TPO: variants seen among roughly 807,000 people sequenced by gnomAD.
TPO encodes the protein thyroid microsomal antigen.
TPO carries 78 observed loss-of-function variants against 96.9 expected under a neutral mutation model. The observed-to-expected ratio is 0.81, with a 90% CI of 0.67 to 0.97. The LOEUF (loss-of-function observed/expected upper bound fraction) is 0.97. Among genes scored for constraint, TPO ranks in the 50% least tolerant of loss-of-function variants. The probability of loss-of-function intolerance (pLI) is 0.00; values close to 1 mark genes in which losing one functional copy is unlikely to be tolerated. For synonymous variants in TPO, 547 were observed against 538.0 expected (o/e 1.02, Z -0.23); for missense variants, 1,252 against 1,274.8 (o/e 0.98, Z 0.27).
intron 7 of TPO, among the ~76,000 whole-genome samples, chr2:1,461,954 C>G (rs747734520): frequency 6.6e-6 from 1 of 152,176 alleles, no homozygotes; most frequent in Non-Finnish European, 1.5e-5. Flanking sequence ...TCGGGGCTCC[C>G]TACTGGATCT....
intron 14 of TPO, among the ~76,000 whole-genome samples, chr2:1,515,256 A>G (rs2125067751): frequency 6.6e-6 from 1 of 152,320 alleles, no homozygotes; most frequent in East Asian, 1.9e-4. Context: ...AGCAGATGGA[A>G]ACAAGAACCC....
intron 1 of TPO, among the ~76,000 whole-genome samples, chr2:1,375,211 C>T (rs527237130): frequency 1.9e-4 from 28 of 150,674 alleles, no homozygotes; most frequent in African/African-American, 6.4e-4. Context: ...GTTAGGCAGA[C>T]GATAGGAGAG....
At chr2:1,527,300 A>C (rs1274498153) in intron 15 of TPO, among the ~76,000 whole-genome samples, 21 of 95,458 alleles carry the variant, frequency 2.2e-4, no homozygotes, top group African/African-American at 9.3e-4. Context: ...CTCACTGTGT[A>C]ACCTCCCCAA....
chr2:1,396,663 C>T (rs12329329), intron 1 of TPO, among the ~76,000 whole-genome samples: 9,127 of 152,138 alleles, frequency 0.06, 695 homozygotes, highest in East Asian at 0.31. Flanking sequence ...CACGGGGAGA[C>T]AGTCTCATCC....
chr2:1,385,205 A>G (rs1309306405), intron 1 of TPO, among the ~76,000 whole-genome samples: 2 of 152,204 alleles, frequency 1.3e-5, no homozygotes, highest in African/African-American at 2.4e-5. Flanking sequence ...CTTTGGTATC[A>G]GGATGATGCT....
chr2:1,382,848 G>T (rs1173582667), intron 1 of TPO, among the ~76,000 whole-genome samples: 1 of 151,486 alleles, frequency 6.6e-6, no homozygotes, highest in Admixed American at 6.6e-5. Flanking sequence ...TTTACATTAG[G>T]TATATCTCCT....
At position 1,478,393 on chromosome 2, in the gene TPO, G is replaced by T. The variant is rs116235514; in HGVS notation, c.1338+789G>T. 2,259 of 985,122 alleles carry T rather than the reference G, an allele frequency of 2.3e-3. 50 individuals are homozygous for T. The African/African-American group carries it at 0.034, about 15-fold the overall frequency. 61.0% of individuals were successfully genotyped at this position (985,122 alleles called of 1,614,324 possible). A position where few individuals can be genotyped will look rare whatever the true frequency, so the allele number is the denominator to read the frequency against. ...GGCATCGTGTCTGCAGTCCTAGCCG[G>T]GAGCCTGCAGGGAGGTGCGCGTCAG... On this transcript the variant is annotated intron_variant, in intron 8 of 16. Transcript: ENST00000329066.
chr2:1,482,195 C>T (rs1426819544), intron 8 of TPO, among the ~76,000 whole-genome samples: 1 of 152,222 alleles, frequency 6.6e-6, no homozygotes, highest in African/African-American at 2.4e-5. Flanking sequence ...CCGTCGGTGA[C>T]AAGGATCGCA....
intron 5 of TPO, among the ~76,000 whole-genome samples, chr2:1,447,669 T>C (rs1666943441): frequency 1.3e-5 from 2 of 152,136 alleles, no homozygotes; most frequent in Admixed American, 1.3e-4. Flanking sequence ...TAGATTTGTA[T>C]GTGTGTGTGT....
intron 7 of TPO, among the ~76,000 whole-genome samples, chr2:1,463,898 G>A (rs1367063689): frequency 6.6e-6 from 1 of 152,186 alleles, no homozygotes. Context: ...TGTTCATGTT[G>A]GAATTTTTTA....
chr2:1,518,881 G>T (rs915414479), intron 15 of TPO, among the ~76,000 whole-genome samples: 1 of 152,200 alleles, frequency 6.6e-6, no homozygotes, highest in African/African-American at 2.4e-5. Context: ...ACCTCAGAAC[G>T]TAACCTTATT....
chr2:1,422,342 A>G (rs1219687001), intron 2 of TPO, among the ~76,000 whole-genome samples: 18 of 123,518 alleles, frequency 1.5e-4, no homozygotes, highest in African/African-American at 5.1e-4. Context: ...CCTCTCCTGG[A>G]CCGACCTCGT....
At chr2:1,424,860 T>G (rs1664161638) in intron 3 of TPO, among the ~76,000 whole-genome samples, 1 of 147,058 alleles carries the variant, frequency 6.8e-6, no homozygotes, top group African/African-American at 2.5e-5. Flanking sequence ...TCATTTCATA[T>G]CCTCAGAAGT....
Position 1,422,358 on chromosome 2 carries a change from C to CGCCGCGCTGGACTGACCTCGTGCAGGT in TPO, c.95-675_95-674insTGACCTCGTGCAGGTGCCGCGCTGGAC. Among the ~76,000 whole-genome samples, 76 of 106,140 alleles carry CGCCGCGCTGGACTGACCTCGTGCAGGT rather than the reference C, an allele frequency of 7.2e-4. 3 individuals carry two copies. Among genetic ancestry groups the CGCCGCGCTGGACTGACCTCGTGCAGGT allele is most frequent in the African/African-American group, 2.5e-3 (66 of 26,880 alleles). 69.6% of individuals were successfully genotyped at this position (106,140 alleles called of 152,430 possible). On this transcript the variant is annotated intron_variant, in intron 2 of 16. Transcript: ENST00000329066. ...CTCTCCTGGACCGACCTCGTGCAGGCGCCGCGCTGGACCGACCTCGTGCAG... is the reference window on the plus strand; with the variant it reads ...CTCTCCTGGACCGACCTCGTGCAGGCGCCGCGCTGGACTGACCTCGTGCAGGTGCCGCGCTGGACCGACCTCGTGCAG...
At chr2:1,411,076 C>T (rs1339203265), upstream of TPO, among the ~76,000 whole-genome samples, 2 of 152,076 alleles carry the variant, frequency 1.3e-5, no homozygotes, top group Non-Finnish European at 2.9e-5. Flanking sequence ...CCAAGTCCCC[C>T]GTCTTCTTTC....
chr2:1,498,523 G>A (rs1280860210), intron 13 of TPO, among the ~76,000 whole-genome samples: 1 of 152,250 alleles, frequency 6.6e-6, no homozygotes, highest in African/African-American at 2.4e-5. Context: ...AGCAGCCTGG[G>A]CTGGAAACCC....
chr2:1,514,897 G>A (rs4927593), intron 14 of TPO, among the ~76,000 whole-genome samples: 43,255 of 152,086 alleles, frequency 0.28, 6,451 homozygotes, highest in Admixed American at 0.33. Context: ...TGGGTCTGCC[G>A]TTTGCTGGTG....
intron 15 of TPO, among the ~76,000 whole-genome samples, chr2:1,524,829 C>G (rs1676055563): frequency 7.2e-6 from 1 of 139,582 alleles, no homozygotes; most frequent in African/African-American, 2.7e-5. Context: ...TTCCCCAAAT[C>G]CCCACATTCT....
At chr2:1,464,808 C>G (rs1435648744) in intron 7 of TPO, among the ~76,000 whole-genome samples, 1 of 152,122 alleles carries the variant, frequency 6.6e-6, no homozygotes, top group African/African-American at 2.4e-5. Flanking sequence ...AATCCTTTGT[C>G]AGATGTGTGG....
Sources: gnomAD v4.1 joint callset for allele counts (sites outside exome capture counted in the v4.1 genomes callset) on GRCh38, gnomAD v4.1.1 for gene constraint, MANE v1.5 for transcripts, NCBI Gene and HGNC (gene_info 2026-07-23, HGNC 2026-07-21) for gene names.